ESR1: variants seen among roughly 807,000 people sequenced by gnomAD.
ESR1 encodes the protein estrogen receptor.
A neutral mutation model predicts 52.7 loss-of-function variants in ESR1; 12 were observed. The observed-to-expected ratio is 0.23, with a 90% CI of 0.15 to 0.37. The LOEUF is 0.37. Among genes scored for constraint, ESR1 ranks in the 10% least tolerant of loss-of-function variants. ESR1 has a pLI of 1.00. For missense variants in ESR1, 584 were observed against 779.7 expected (o/e 0.75, Z 2.99); for synonymous variants, 305 against 316.8 (o/e 0.96, Z 0.39).
chr6:151,726,603 T>C (rs1781865058), intron 2 of ESR1, among the ~76,000 whole-genome samples: 1 of 152,244 alleles, frequency 6.6e-6, no homozygotes, highest in African/African-American at 2.4e-5. Flanking sequence ...CCCAAAGTGC[T>C]GGGATTACAG....
intron 3 of ESR1, among the ~76,000 whole-genome samples, chr6:151,890,682 G>T (rs920763801): frequency 2.0e-5 from 3 of 152,246 alleles, no homozygotes; most frequent in African/African-American, 7.2e-5. Flanking sequence ...GGGTGCATAT[G>T]TATGTTCACC....
At chr6:152,015,047 A>G (rs2043067040) in intron 5 of ESR1, among the ~76,000 whole-genome samples, 1 of 152,170 alleles carries the variant, frequency 6.6e-6, no homozygotes, top group South Asian at 2.1e-4. Flanking sequence ...AGCCTGGATG[A>G]AATTCCGTCT....
chr6:151,795,098 G>T (rs1776562407), intron 2 of ESR1, among the ~76,000 whole-genome samples: 1 of 152,130 alleles, frequency 6.6e-6, no homozygotes, highest in Non-Finnish European at 1.5e-5. Context: ...ACAACTCTTT[G>T]AGGTGGAAAT....
At chr6:152,068,859 C>CTCCCTGAAACCTAGGGACAACTCCCTAG (rs770750009) in intron 6 of ESR1, among the ~76,000 whole-genome samples, 5 of 139,966 alleles carry the variant, frequency 3.6e-5, no homozygotes, top group African/African-American at 6.2e-5. Flanking sequence ...CCAGGCACTG[C>CTCCCTGAAACCTAGGGACAACTCCCTAG]CTGCATAAAA....
In ESR1 at chr6:151,965,244, T is replaced by A. The variant is rs79840232; in HGVS notation, c.1096+20736T>A. Among the ~76,000 whole-genome samples, 184 of 152,306 alleles carry A rather than the reference T, an allele frequency of 1.2e-3. 1 individual carries two copies. The highest frequency in any genetic ancestry group is 2.3e-3 in the Non-Finnish European group (157 of 68,022). On this transcript the variant is annotated intron_variant, in intron 4 of 7. Coordinates refer to ENST00000206249, the MANE Select transcript of ESR1 (RefSeq NM_000125.4). ...TTCCAAACCATAGTATATATATATATCTCTAAGAATTTTTCAAATCTGCTA... is the reference window on the plus strand; with the variant it reads ...TTCCAAACCATAGTATATATATATAACTCTAAGAATTTTTCAAATCTGCTA...
intron 2 of ESR1, among the ~76,000 whole-genome samples, chr6:151,767,218 A>G (rs1583194152): frequency 6.6e-6 from 1 of 152,222 alleles, no homozygotes; most frequent in South Asian, 2.1e-4. Context: ...TCCCTTGCAT[A>G]TAATTTCCAC....
At chr6:151,764,523 C>G (rs1043793375) in intron 2 of ESR1, among the ~76,000 whole-genome samples, 1 of 151,794 alleles carries the variant, frequency 6.6e-6, no homozygotes, top group Non-Finnish European at 1.5e-5. Context: ...AGTCAGTCCT[C>G]GCAATGAAGA....
chr6:151,962,155 A>C (rs2037742616), intron 4 of ESR1, among the ~76,000 whole-genome samples: 1 of 152,128 alleles, frequency 6.6e-6, no homozygotes, highest in Non-Finnish European at 1.5e-5. Flanking sequence ...TCTTCTAGGC[A>C]TTCTGCTGCT....
In ESR1 at chr6:151,842,806, C is replaced by T. The variant is rs533357620; in HGVS notation, c.643+19C>T. On this transcript the variant is annotated intron_variant, in intron 2 of 7. Coordinates refer to ENST00000206249, the MANE Select transcript of ESR1 (RefSeq NM_000125.4). ...ATTCAAGGTAATAGTGTGTTGAAAA[C>T]GACTTCTATTTTTGATCCTATGAGC... is the stretch of plus-strand genomic sequence containing the variant. The T allele has an allele frequency of 1.9e-5, 31 of 1,610,768 alleles. No individual in the cohort carries two copies. In the Middle Eastern group the frequency reaches 6.6e-4, roughly 34 times the overall value.
intron 2 of ESR1, among the ~76,000 whole-genome samples, chr6:151,861,107 C>G (rs1047540869): frequency 6.6e-6 from 1 of 152,022 alleles, no homozygotes; most frequent in African/African-American, 2.4e-5. Flanking sequence ...AGGTAAACAA[C>G]TTTAAATTAA....
chr6:151,950,155 C>T (rs1424098263), intron 4 of ESR1, among the ~76,000 whole-genome samples: 1 of 152,170 alleles, frequency 6.6e-6, no homozygotes, highest in Non-Finnish European at 1.5e-5. Flanking sequence ...GTGAGGCCTC[C>T]CCAGCCACAA....
intron 6 of ESR1, among the ~76,000 whole-genome samples, chr6:152,086,578 G>C (rs1248234037): frequency 6.0e-5 from 9 of 150,688 alleles, no homozygotes; most frequent in Non-Finnish European, 4.4e-5. Context: ...GTTTCACTAT[G>C]AATGTGTTGA....
chr6:151,868,289 G>A (rs1790330214), intron 2 of ESR1, among the ~76,000 whole-genome samples: 2 of 151,894 alleles, frequency 1.3e-5, no homozygotes, highest in Admixed American at 6.6e-5. Context: ...CACCATGCCC[G>A]GCTAATTTTT....
intron 1 of ESR1, among the ~76,000 whole-genome samples, chr6:151,832,423 C>T (rs1323844071): frequency 1.3e-5 from 2 of 152,070 alleles, no homozygotes; most frequent in African/African-American, 4.8e-5. Context: ...TAAATACATA[C>T]AAAATTGCAT....
At position 152,100,676 on chromosome 6, in the gene ESR1, G is replaced by A. The variant is rs1265087902; in HGVS notation, c.*1710G>A. On this transcript the variant is annotated 3_prime_UTR_variant, in exon 8 of 8. Transcript: ENST00000206249. ...AGCCAATGACCCAGGTGAGCTGCTC[G>A]GGCTTCTCTTGGTATGTCTTGTTTG... The A allele has an allele frequency of 1.7e-5, 4 of 230,082 alleles. No homozygotes were observed. Among genetic ancestry groups the A allele is most frequent in the Non-Finnish European group, 3.4e-5 (4 of 116,384 alleles). 14.3% of individuals were successfully genotyped at this position (230,082 alleles called of 1,614,324 possible).
At chr6:151,838,606 G>A (rs1783779125) in intron 1 of ESR1, among the ~76,000 whole-genome samples, 1 of 152,130 alleles carries the variant, frequency 6.6e-6, no homozygotes, top group Non-Finnish European at 1.5e-5. Flanking sequence ...ACAGGGTCTT[G>A]GAGCCCAGAG....
chr6:151,785,494 A>G (rs183772957), intron 2 of ESR1, among the ~76,000 whole-genome samples: 1 of 152,162 alleles, frequency 6.6e-6, no homozygotes, highest in Non-Finnish European at 1.5e-5. Flanking sequence ...CAGTGTGACC[A>G]TTTTTTCTCA....
rs552907508 is a variant in ESR1 at position 151,741,974 on chromosome 6, C to T, written c.-71+39969C>T. Reference sequence around the variant, plus strand: ...CTCCCCATAACCACTGTGTTATGTTCTATTTCCGTATATTTGACTTAATAA... The same window carrying T: ...CTCCCCATAACCACTGTGTTATGTTTTATTTCCGTATATTTGACTTAATAA... On this transcript the variant is annotated intron_variant, in intron 2 of 2. Coordinates refer to the ESR1 transcript ENST00000404742. 1.1e-4 allele frequency among the ~76,000 whole-genome samples: 16 copies of T among 152,248 alleles called. No homozygotes were observed. The East Asian group carries it at 3.1e-3, about 29-fold the overall frequency.
intron 2 of ESR1, among the ~76,000 whole-genome samples, chr6:151,775,246 C>T (rs779856532): frequency 4.6e-5 from 7 of 152,124 alleles, no homozygotes; most frequent in Admixed American, 3.3e-4. Flanking sequence ...AAAATGCTTG[C>T]GACCAGATTG....
Sources: gnomAD v4.1 joint callset for allele counts (sites outside exome capture counted in the v4.1 genomes callset) on GRCh38, gnomAD v4.1.1 for gene constraint, MANE v1.5 for transcripts, NCBI Gene and HGNC (gene_info 2026-07-23, HGNC 2026-07-21) for gene names.